The following PGM2L1 variants were observed in gnomAD, a reference collection of about 807,000 sequenced individuals.
PGM2L1 encodes the protein glucose 1,6-bisphosphate synthase.
PGM2L1 carries 35 observed loss-of-function variants against 73.4 expected under a neutral mutation model. The observed-to-expected ratio is 0.48, with a 90% CI of 0.36 to 0.63. The LOEUF is 0.63. Among genes scored for constraint, PGM2L1 ranks in the 30% least tolerant of loss-of-function variants. The probability of loss-of-function intolerance (pLI) is 0.00; values close to 1 mark genes in which losing one functional copy is unlikely to be tolerated. For synonymous variants in PGM2L1, 225 were observed against 253.8 expected, an observed-to-expected ratio of 0.89 and a Z score of 1.08; for missense variants, 570 against 742.0, an observed-to-expected ratio of 0.77 and a Z score of 2.69.
chr11:74,355,270 T>C (rs1417120392), intron 5 of PGM2L1: 2 of 1,110,346 alleles, frequency 1.8e-6, no homozygotes, highest in East Asian at 2.3e-5. Context: ...AATTTTGGAC[T>C]CAGCCAGGCG....
intron 1 of PGM2L1, among the ~76,000 whole-genome samples, chr11:74,386,587 C>G (rs1423430478): frequency 6.6e-6 from 1 of 151,976 alleles, no homozygotes; most frequent in East Asian, 1.9e-4. Context: ...GCAATCTTCC[C>G]ACCTAAGCCT....
chr11:74,366,842 A>G (rs1325767609), intron 5 of PGM2L1, among the ~76,000 whole-genome samples: 1 of 152,162 alleles, frequency 6.6e-6, no homozygotes, highest in Non-Finnish European at 1.5e-5. Context: ...TATCAAAAGA[A>G]TAAGAAGCCA....
chr11:74,384,893 T>C (rs1001914166), intron 1 of PGM2L1, among the ~76,000 whole-genome samples: 3 of 152,194 alleles, frequency 2.0e-5, no homozygotes, highest in Non-Finnish European at 4.4e-5. Context: ...AGGGCCTAGA[T>C]TCCAACTTTT....
At chr11:74,350,919 A>AAG (rs373985712) in intron 6 of PGM2L1, among the ~76,000 whole-genome samples, 97 of 135,540 alleles carry the variant, frequency 7.2e-4, no homozygotes, top group South Asian at 5.7e-3. Context: ...GAGAGAGAGA[A>AAG]AGAGAGAGAG....
chr11:74,381,571 CTTTTTTTTTTTTT>C (rs1195996518), intron 1 of PGM2L1, among the ~76,000 whole-genome samples: 1 of 95,436 alleles, frequency 1.0e-5, no homozygotes, highest in South Asian at 3.3e-4. Context: ...GTGTTTTTGT[CTTTTTTTTTTTTT>C]TTTTTTTTTT....
chr11:74,336,685 A>G lies in PGM2L1; in HGVS notation c.1836T>C (p.Pro612=), dbSNP rs371691460. The G allele has an allele frequency of 3.7e-6, 6 of 1,612,446 alleles. No individual in the cohort carries two copies. In the African/African-American group the frequency reaches 8.0e-5, roughly 22 times the overall value. ...IDALIENFLQ[P]SKNGLIWRSV is the part of the protein sequence containing the mutation. ...AACGCCAGATCAGTCCATTCTTACT[A>G]GGCTGAAGAAAATTCTCTATCAGAG... is the stretch of plus-strand genomic sequence containing the variant. Residue 612 remains proline, a synonymous_variant, in exon 14 of 14, where the codon CCT becomes CCC. Coordinates refer to ENST00000298198, the MANE Select transcript of PGM2L1 (RefSeq NM_173582.6).
intron 1 of PGM2L1, among the ~76,000 whole-genome samples, chr11:74,391,485 A>C (rs1430237861): frequency 2.0e-5 from 3 of 152,048 alleles, no homozygotes; most frequent in Non-Finnish European, 4.4e-5. Context: ...CCTCAACTTT[A>C]ACGTCTATAT....
In PGM2L1 at chr11:74,330,776, T is replaced by C. The variant is rs1861999563; in HGVS notation, c.*5876A>G. ...ACACTTAGACTAGTGATATTAAGTC[T>C]ACATAGACACCATTTCTTTACCTTC... On this transcript the variant is annotated 3_prime_UTR_variant, in exon 14 of 14. Coordinates refer to ENST00000298198, the MANE Select transcript of PGM2L1 (RefSeq NM_173582.6). 6.6e-6 allele frequency: 1 copy of C among 152,660 alleles called. No individual in the cohort carries two copies. 9.5% of individuals were successfully genotyped at this position (152,660 alleles called of 1,614,324 possible).
Position 74,371,722 on chromosome 11 carries a change from G to A in PGM2L1, c.375C>T (p.Cys125=), listed in dbSNP as rs1271235809. 3 of 1,612,598 alleles carry A rather than the reference G, an allele frequency of 1.9e-6. No homozygotes were observed. Among genetic ancestry groups the A allele is most frequent in the Non-Finnish European group, 2.5e-6 (3 of 1,178,828 alleles). Residue 125 remains cysteine (C), a synonymous_variant, in exon 3 of 14, where the codon TGC becomes TGT. Coordinates refer to ENST00000298198, the MANE Select transcript of PGM2L1 (RefSeq NM_173582.6). The part of the protein sequence containing the change: ...YDTRGQVTSS[C]SSQRLAKLTA... ...AATTAACTTTGTACCTCTGGCTGCT[G>A]CAGCTGCTAGTTACTTGACCCCGAG...
chr11:74,368,474 C>T lies in PGM2L1; in HGVS notation c.555+18G>A. ...GATGAACTATAAGATAAGCAAAGGT[C>T]AGGAGTCCAAGGTTTACCTTGTATC... On this transcript the variant is annotated intron_variant, in intron 5 of 13. Coordinates refer to ENST00000298198, the MANE Select transcript of PGM2L1 (RefSeq NM_173582.6). 1 of 1,587,982 alleles carries T rather than the reference C, an allele frequency of 6.3e-7. No homozygotes were observed. The highest frequency in any genetic ancestry group is 8.6e-7 in the Non-Finnish European group (1 of 1,156,564).
intron 1 of PGM2L1, among the ~76,000 whole-genome samples, chr11:74,393,791 T>TCCCCATCCAGCCACTGAC (rs1863136675): frequency 6.6e-6 from 1 of 152,160 alleles, no homozygotes; most frequent in Non-Finnish European, 1.5e-5. Flanking sequence ...CTAGCCTGTG[T>TCCCCATCCAGCCACTGAC]CCCAGCTCTA....
At chr11:74,359,749 A>T (rs1365686660) in intron 5 of PGM2L1, among the ~76,000 whole-genome samples, 5 of 150,656 alleles carry the variant, frequency 3.3e-5, no homozygotes, top group African/African-American at 1.3e-4. Flanking sequence ...GTATATATTT[A>T]TATATGTGTG....
At position 74,351,302 on chromosome 11, in the gene PGM2L1, A is replaced by G. The variant is rs1862348524; in HGVS notation, c.749+81T>C. On this transcript the variant is annotated intron_variant, in intron 6 of 13. Coordinates refer to ENST00000298198, the MANE Select transcript of PGM2L1 (RefSeq NM_173582.6). The stretch of plus-strand genomic sequence containing the variant: ...TATAATTTTAATCTAATAAATAGAC[A>G]ACACTTTTTATCACTTTTTATTCTC... The G allele has an allele frequency of 2.3e-6, 3 of 1,331,826 alleles. No homozygotes were observed. In the African/African-American group the frequency reaches 4.5e-5, roughly 20 times the overall value. The allele number at this position is 1,331,826 out of a possible 1,614,324, so 82.5% of individuals were successfully genotyped here.
chr11:74,382,176 G>T (rs73554623), intron 1 of PGM2L1, among the ~76,000 whole-genome samples: 1 of 152,132 alleles, frequency 6.6e-6, no homozygotes, highest in South Asian at 2.1e-4. Flanking sequence ...AAACTTAATG[G>T]TTTCAATCAA....
rs600145 is a variant in PGM2L1, at chr11:74,336,181, C to G, written c.*471G>C. ...TAATACCTGTGATGTCACAATGACACTTTTTCATAACAATCAAGGAAAGTA... is the reference window on the plus strand; with the variant it reads ...TAATACCTGTGATGTCACAATGACAGTTTTTCATAACAATCAAGGAAAGTA... On this transcript the variant is annotated 3_prime_UTR_variant, in exon 14 of 14. Coordinates refer to ENST00000298198, the MANE Select transcript of PGM2L1 (RefSeq NM_173582.6). The G allele has an allele frequency of 0.054, 8,162 of 152,254 alleles. 708 individuals are homozygous for G. Among genetic ancestry groups the G allele is most frequent in the African/African-American group, 0.18 (7,664 of 41,516 alleles). The allele number at this position is 152,254 out of a possible 1,614,324, so 9.4% of individuals were successfully genotyped here.
chr11:74,342,797 A>G, intron 11 of PGM2L1, 88 bp downstream of exon 11: 1 of 1,422,648 alleles, frequency 7.0e-7, no homozygotes, highest in South Asian at 1.5e-5. Flanking sequence ...AAAAGGATCA[A>G]CTATTCTTCA....
rs1199452734 is a variant in PGM2L1, at chr11:74,396,405, C to CT, written c.111+1645dup. Among the ~76,000 whole-genome samples the CT allele has an allele frequency of 1.2e-4, 18 of 151,176 alleles. No homozygotes were observed. The East Asian group carries it at 2.9e-3, about 24-fold the overall frequency. ...CATTAGTATCACCTGAAAATTCATT[C>CT]TTTTTTTTTCTTTTCTTTTCTTTTT... On this transcript the variant is annotated intron_variant, in intron 1 of 13. Transcript: ENST00000298198.
intron 5 of PGM2L1, among the ~76,000 whole-genome samples, chr11:74,367,438 T>C (rs1862678181): frequency 6.6e-6 from 1 of 152,156 alleles, no homozygotes; most frequent in South Asian, 2.1e-4. Context: ...ATGGTGATGG[T>C]AGAGGATATG....
rs1862057296 is a variant in PGM2L1, at chr11:74,334,224, T to A, written c.*2428A>T. 6.6e-6 allele frequency: 1 copy of A among 152,210 alleles called. No homozygotes were observed. Among genetic ancestry groups the A allele is most frequent in the Non-Finnish European group, 1.5e-5 (1 of 68,036 alleles). 9.4% of individuals were successfully genotyped at this position (152,210 alleles called of 1,614,324 possible). A position where few individuals can be genotyped will look rare whatever the true frequency, so the allele number is the denominator to read the frequency against. ...TCAAATAAAACTGTTTTCTTCATAA[T>A]AGAATGACAGTCATGACATGGCTTT... is the stretch of plus-strand genomic sequence containing the variant. On this transcript the variant is annotated 3_prime_UTR_variant, in exon 14 of 14. Coordinates refer to ENST00000298198, the MANE Select transcript of PGM2L1 (RefSeq NM_173582.6).
Sources: allele counts gnomAD v4.1 joint callset (sites outside exome capture counted in the v4.1 genomes callset), GRCh38; gene constraint gnomAD v4.1.1; transcripts MANE v1.5; gene names NCBI Gene and HGNC (gene_info 2026-07-23, HGNC 2026-07-21).